The following PTPN13 variants were observed in gnomAD, a reference collection of about 807,000 sequenced individuals.
PTPN13 encodes the protein protein tyrosine phosphatase non-receptor type 13, also known as tyrosine-protein phosphatase non-receptor type 13.
Under a neutral mutation model 284.0 loss-of-function variants are expected in PTPN13, and 191 were observed. The ratio of observed to expected loss-of-function variants is 0.67; its 90% CI spans 0.60 to 0.76. PTPN13 has a LOEUF of 0.76. Among genes scored for constraint, PTPN13 ranks in the 30% least tolerant of loss-of-function variants. The pLI, the probability that PTPN13 is intolerant of heterozygous loss-of-function variation, is 0.00. For synonymous variants in PTPN13, 986 were observed against 1,022.3 expected, an observed-to-expected ratio of 0.96 and a Z score of 0.68; for missense variants, 2,797 against 2,939.9, an observed-to-expected ratio of 0.95 and a Z score of 1.12.
At position 86,744,948 on chromosome 4, in the gene PTPN13, C is replaced by T; in HGVS notation, c.2488-18C>T. 6.7e-7 allele frequency: 1 copy of T among 1,502,312 alleles called. No individual in the cohort carries two copies. Among genetic ancestry groups the T allele is most frequent in the Admixed American group, 2.0e-5 (1 of 50,088 alleles). The allele number at this position is 1,502,312 out of a possible 1,614,324, so 93.1% of individuals were successfully genotyped here. On this transcript the variant is annotated intron_variant, in intron 16 of 47. Coordinates refer to ENST00000411767, the MANE Select transcript of PTPN13 (RefSeq NM_080683.3). ...CTCTACTTACTATAATTATGAATAC[C>T]CTTGGTTAATATTGTAGAAAAAGAA...
intron 20 of PTPN13, 105 bp from the exon 21 acceptor site, chr4:86,758,155 C>A: frequency 3.1e-6 from 2 of 641,386 alleles, no homozygotes; most frequent in Non-Finnish European, 5.2e-6. Flanking sequence ...GTTTAAGTGA[C>A]TGAGCAATTA....
chr4:86,767,316 G>A (rs1408656413), intron 27 of PTPN13, among the ~76,000 whole-genome samples: 2 of 151,262 alleles, frequency 1.3e-5, no homozygotes, highest in Non-Finnish European at 2.9e-5. Flanking sequence ...CATGACCTCG[G>A]CTCATTGCAA....
chr4:86,603,431 G>A (rs1764482600), intron 1 of PTPN13, among the ~76,000 whole-genome samples: 1 of 152,064 alleles, frequency 6.6e-6, no homozygotes, highest in South Asian at 2.1e-4. Flanking sequence ...GCTAAGTACT[G>A]TGTAATATAA....
intron 39 of PTPN13, 134 bp downstream of exon 39, chr4:86,785,502 A>G: frequency 1.2e-6 from 1 of 854,238 alleles, no homozygotes; most frequent in South Asian, 2.6e-5. Flanking sequence ...CAGAAACAAA[A>G]CAGAATTTGT....
chr4:86,800,481 G>A (rs1743889999), intron 42 of PTPN13, among the ~76,000 whole-genome samples: 1 of 151,944 alleles, frequency 6.6e-6, no homozygotes, highest in Non-Finnish European at 1.5e-5. Context: ...GCAAAACCTC[G>A]TCTCTTCTAA....
At position 86,701,708 on chromosome 4, in the gene PTPN13, T is replaced by C. The variant is rs376074450; in HGVS notation, c.1102T>C (p.Leu368=). The change falls in exon 7 of 48, where the codon TTG becomes CTG. Residue 368 remains leucine (L), a synonymous_variant. Coordinates refer to ENST00000411767, the MANE Select transcript of PTPN13 (RefSeq NM_080683.3). ...GGATCCAATATATCACACTCGAGAA[T>C]TGCCCACCTCCTCAGCAATATCAAG... The part of the protein sequence containing the change: ...KMDPIYHTRE[L]PTSSAISSAL... The C allele has an allele frequency of 1.4e-4, 224 of 1,613,806 alleles. No homozygotes were observed. Among genetic ancestry groups the C allele is most frequent in the Non-Finnish European group, 1.8e-4 (212 of 1,179,852 alleles).
At chr4:86,731,811 T>A (rs1392959434) in intron 10 of PTPN13, among the ~76,000 whole-genome samples, 4 of 152,080 alleles carry the variant, frequency 2.6e-5, no homozygotes, top group Non-Finnish European at 4.4e-5. Context: ...CCCAGCTAAT[T>A]TTTTATTTTT....
intron 10 of PTPN13, among the ~76,000 whole-genome samples, chr4:86,729,225 G>A (rs1314967437): frequency 6.7e-6 from 1 of 149,528 alleles, no homozygotes; most frequent in Non-Finnish European, 1.5e-5. Flanking sequence ...AGTCTGATGG[G>A]CTTCCCTTTG....
chr4:86,736,286 G>A (rs1338222540), intron 15 of PTPN13, among the ~76,000 whole-genome samples: 1 of 152,140 alleles, frequency 6.6e-6, no homozygotes, highest in Non-Finnish European at 1.5e-5. Context: ...CTTTCTATAT[G>A]ACCTTAGATA....
At chr4:86,795,454 G>C (rs1003509136) in intron 40 of PTPN13, among the ~76,000 whole-genome samples, 1 of 152,190 alleles carries the variant, frequency 6.6e-6, no homozygotes, top group African/African-American at 2.4e-5. Flanking sequence ...GTGTAAAGTA[G>C]TTCAACCTTT....
intron 2 of PTPN13, among the ~76,000 whole-genome samples, chr4:86,649,445 T>C (rs1350832432): frequency 1.3e-5 from 2 of 152,176 alleles, no homozygotes; most frequent in Admixed American, 6.5e-5. Flanking sequence ...CTTCGACATA[T>C]GGATATTAAG....
At chr4:86,768,925 G>C (rs1291566178) in intron 28 of PTPN13, among the ~76,000 whole-genome samples, 1 of 151,890 alleles carries the variant, frequency 6.6e-6, no homozygotes, top group Non-Finnish European at 1.5e-5. Flanking sequence ...GGCCAAACTG[G>C]TCTTGAACTC....
At chr4:86,737,353 G>T (rs1429794860) in intron 15 of PTPN13, among the ~76,000 whole-genome samples, 2 of 151,968 alleles carry the variant, frequency 1.3e-5, no homozygotes, top group African/African-American at 2.4e-5. Flanking sequence ...GAGAACAAGG[G>T]TTAGCAAACT....
At position 86,750,714 on chromosome 4, in the gene PTPN13, G is replaced by C. The variant is rs369408792; in HGVS notation, c.2895G>C (p.Glu965Asp). ...DKASWEEKPR[E>D]MSKSYHDLSQ... ...CTTCATGGGAGGAAAAGCCTAGAGA[G>C]ATGAGTAAATCATACCATGATCTCA... The change falls in exon 18 of 48, where the codon GAG (glutamate) becomes GAC (aspartate). Residue 965 changes from glutamate (E) to aspartate (D), a missense_variant. Glu to Asp is a conservative substitution (Grantham distance 45, BLOSUM62 2). Coordinates refer to ENST00000411767, the MANE Select transcript of PTPN13 (RefSeq NM_080683.3). 7.1e-5 allele frequency: 114 copies of C among 1,613,676 alleles called. No individual in the cohort carries two copies. Among genetic ancestry groups the C allele is most frequent in the Non-Finnish European group, 9.2e-5 (108 of 1,179,810 alleles).
intron 46 of PTPN13, 107 bp downstream of exon 46, chr4:86,810,091 A>T: frequency 3.8e-6 from 3 of 799,312 alleles, no homozygotes; most frequent in Non-Finnish European, 5.7e-6. Flanking sequence ...ATGAGTTTAT[A>T]TGACTGCCTT....
chr4:86,672,187 A>G (rs1430761254), intron 2 of PTPN13, among the ~76,000 whole-genome samples, 178 bp from the exon 3 acceptor site: 8 of 152,196 alleles, frequency 5.3e-5, no homozygotes, highest in South Asian at 2.1e-4. Flanking sequence ...TACCTGTTGT[A>G]TTTGTATGAA....
intron 7 of PTPN13, among the ~76,000 whole-genome samples, chr4:86,713,422 T>C (rs2149056596): frequency 6.6e-6 from 1 of 152,268 alleles, no homozygotes; most frequent in East Asian, 1.9e-4. Flanking sequence ...TAAATAAAAT[T>C]ATTGTTTTCC....
intron 7 of PTPN13, among the ~76,000 whole-genome samples, chr4:86,712,008 A>G (rs1015178242): frequency 5.3e-5 from 8 of 152,156 alleles, no homozygotes; most frequent in African/African-American, 1.9e-4. Context: ...CATTCTAGTT[A>G]AAATACCAGC....
At chr4:86,723,570 G>A (rs1192863803) in intron 10 of PTPN13, among the ~76,000 whole-genome samples, 1 of 152,188 alleles carries the variant, frequency 6.6e-6, no homozygotes, top group Non-Finnish European at 1.5e-5. Flanking sequence ...CTAACTCATT[G>A]CAGATAACTT....
Sources: allele counts gnomAD v4.1 joint callset (sites outside exome capture counted in the v4.1 genomes callset), GRCh38; gene constraint gnomAD v4.1.1; transcripts MANE v1.5; gene names NCBI Gene and HGNC (gene_info 2026-07-23, HGNC 2026-07-21).